The following KIAA1328 variants were observed in gnomAD, a reference collection of about 807,000 sequenced individuals.
The protein encoded by KIAA1328 is KIAA1328, also known as protein hinderin.
In KIAA1328, 52 loss-of-function variants were observed where a neutral mutation model predicts 68.1. The ratio of observed to expected loss-of-function variants is 0.76; its 90% CI spans 0.61 to 0.96. The LOEUF is 0.96. Ranked by LOEUF, KIAA1328 falls within the 40% of genes least tolerant of loss-of-function variation. The pLI is 0.00. For synonymous variants in KIAA1328, 232 were observed against 239.4 expected (o/e 0.97, Z 0.28); for missense variants, 641 against 677.6 (o/e 0.95, Z 0.60).
chr18:36,872,155 T>C (rs1175281133), intron 4 of KIAA1328, among the ~76,000 whole-genome samples: 1 of 151,978 alleles, frequency 6.6e-6, no homozygotes, highest in Non-Finnish European at 1.5e-5. Flanking sequence ...TGGGTGGTGC[T>C]GGGGCTGGGT....
chr18:37,016,043 G>T (rs1459090533), intron 6 of KIAA1328, among the ~76,000 whole-genome samples: 1 of 152,148 alleles, frequency 6.6e-6, no homozygotes, highest in Non-Finnish European at 1.5e-5. Flanking sequence ...TGTTGAGTAA[G>T]AGTGGTAAGA....
At chr18:37,105,441 T>C (rs2057742861) in intron 7 of KIAA1328, among the ~76,000 whole-genome samples, 1 of 142,992 alleles carries the variant, frequency 7.0e-6, no homozygotes, top group Non-Finnish European at 1.5e-5. Flanking sequence ...TAGTAAGCTA[T>C]GAATGCTGCA....
At chr18:37,116,498 A>G (rs1470604638) in intron 7 of KIAA1328, among the ~76,000 whole-genome samples, 47 of 152,350 alleles carry the variant, frequency 3.1e-4, no homozygotes, top group African/African-American at 1.1e-3. Context: ...TACACCTTAT[A>G]CAAAAATTAA....
intron 9 of KIAA1328, among the ~76,000 whole-genome samples, chr18:37,188,366 A>G (rs1167954328): frequency 1.3e-5 from 2 of 152,220 alleles, no homozygotes; most frequent in African/African-American, 4.8e-5. Flanking sequence ...TAGTGGGGGA[A>G]GAACCAGATT....
chr18:37,088,186 C>T (rs1158059631), intron 7 of KIAA1328, among the ~76,000 whole-genome samples: 1 of 152,162 alleles, frequency 6.6e-6, no homozygotes, highest in Non-Finnish European at 1.5e-5. Flanking sequence ...TCAACTGAGA[C>T]ACCTGCTTTC....
intron 7 of KIAA1328, among the ~76,000 whole-genome samples, chr18:37,073,454 C>T (rs368151861): frequency 5.9e-5 from 9 of 152,182 alleles, no homozygotes; most frequent in African/African-American, 1.4e-4. Context: ...AACCACAATG[C>T]GATACCATCT....
At chr18:36,889,853 A>G (rs2048623865) in intron 5 of KIAA1328, among the ~76,000 whole-genome samples, 1 of 152,160 alleles carries the variant, frequency 6.6e-6, no homozygotes, top group South Asian at 2.1e-4. Flanking sequence ...AGATTATGCA[A>G]GGGTTAGGCT....
chr18:37,112,668 G>A (rs76193568), intron 7 of KIAA1328, among the ~76,000 whole-genome samples: 1 of 152,326 alleles, frequency 6.6e-6, no homozygotes, highest in African/African-American at 2.4e-5. Flanking sequence ...TTGACGAGTT[G>A]AGAGAAGAAG....
intron 7 of KIAA1328, among the ~76,000 whole-genome samples, chr18:37,082,166 A>ATTTTTTTT (rs34106395): frequency 4.0e-5 from 4 of 100,422 alleles, no homozygotes; most frequent in Non-Finnish European, 5.6e-5. Flanking sequence ...TGCCCCAAGG[A>ATTTTTTTT]TTTTTTTTTT....
chr18:36,941,215 C>G lies in KIAA1328; in HGVS notation c.449-18093C>G, dbSNP rs568238642. The stretch of plus-strand genomic sequence containing the variant: ...TTTAACATATTTAAAAATATGTATA[C>G]CCACACATACATGTATAATTTTTTT... On this transcript the variant is annotated intron_variant, in intron 5 of 9. Coordinates refer to ENST00000280020, the MANE Select transcript of KIAA1328 (RefSeq NM_020776.3). Among the ~76,000 whole-genome samples, 4 of 152,164 alleles carry G rather than the reference C, an allele frequency of 2.6e-5. No individual in the cohort carries two copies. The South Asian group carries it at 8.3e-4, about 32-fold the overall frequency.
downstream of KIAA1328, chr18:37,230,032 C>T (rs972383855): frequency 6.5e-6 from 1 of 153,068 alleles, no homozygotes; most frequent in Non-Finnish European, 1.5e-5. Context: ...GAACATGTAA[C>T]TCTCTCTGCC....
At chr18:37,116,745 T>A (rs1282328164) in intron 7 of KIAA1328, among the ~76,000 whole-genome samples, 3 of 151,980 alleles carry the variant, frequency 2.0e-5, no homozygotes, top group Non-Finnish European at 4.4e-5. Flanking sequence ...TGGGAGAAAA[T>A]TTTTGCAATC....
chr18:37,200,597 G>A (rs1226468519), intron 9 of KIAA1328, among the ~76,000 whole-genome samples: 1 of 151,566 alleles, frequency 6.6e-6, no homozygotes, highest in Non-Finnish European at 1.5e-5. Flanking sequence ...GGATCATGAG[G>A]TCAGGAGATC....
downstream of KIAA1328, among the ~76,000 whole-genome samples, chr18:37,228,990 T>G (rs1408215370): frequency 2.0e-5 from 3 of 152,248 alleles, no homozygotes; most frequent in Non-Finnish European, 2.9e-5. Flanking sequence ...ACATAACTTT[T>G]ATATGCACTG....
rs759344621 is a variant in KIAA1328 at position 37,067,025 on chromosome 18, T to C, written c.712T>C (p.Ser238Pro). 4 of 1,613,918 alleles carry C rather than the reference T, an allele frequency of 2.5e-6. No individual in the cohort carries two copies. The Admixed American group carries it at 6.7e-5, about 27-fold the overall frequency. ...KSAVQDSASE[S>P]LIAFRNNSLK... ...TGCAGTCCAGGATTCAGCTTCAGAA[T>C]CCCTTATAGCATTTAGGAATAATTC... Residue 238 changes from serine (S) to proline (P), a missense_variant, in exon 7 of 10, where the codon TCC becomes CCC. Physicochemically the swap from Ser to Pro is moderately conservative, Grantham distance 74. Coordinates refer to ENST00000280020, the MANE Select transcript of KIAA1328 (RefSeq NM_020776.3).
chr18:37,110,273 A>T (rs962345846), intron 7 of KIAA1328, among the ~76,000 whole-genome samples: 2 of 152,218 alleles, frequency 1.3e-5, no homozygotes, highest in Admixed American at 6.5e-5. Context: ...TGTTTCACTT[A>T]TACTACTGAA....
chr18:37,067,563 T>A lies in KIAA1328; in HGVS notation c.1232+18T>A. The stretch of plus-strand genomic sequence containing the variant: ...TACAATTGGTGAGTACTGCCTGTTC[T>A]TTTTTTTTTTTTTTTGAGACGAAAT... On this transcript the variant is annotated intron_variant, in intron 7 of 9. Coordinates refer to ENST00000280020, the MANE Select transcript of KIAA1328 (RefSeq NM_020776.3). 1 of 120,262 alleles carries A rather than the reference T, an allele frequency of 8.3e-6. No individual in the cohort carries two copies. Among genetic ancestry groups the A allele is most frequent in the Non-Finnish European group, 1.2e-5 (1 of 86,026 alleles). The allele number at this position is 120,262 out of a possible 1,614,324, so 7.4% of individuals were successfully genotyped here.
chr18:36,946,224 A>G (rs936851310), intron 5 of KIAA1328: 4 of 152,324 alleles, frequency 2.6e-5, no homozygotes, highest in Non-Finnish European at 2.9e-5. Context: ...TACTTTCTAT[A>G]TGCTTCCTTC....
At chr18:37,105,916 CAAAAAAAAAAAAAAAAAAAAAAAA>C (rs58940699) in intron 7 of KIAA1328, among the ~76,000 whole-genome samples, 1 of 19,502 alleles carries the variant, frequency 5.1e-5, no homozygotes, top group African/African-American at 1.2e-4. Context: ...GACTCTGTGT[CAAAAAAAAAAAAAAAAAAAAAAAA>C]AAAAAGAATT....
Sources: gnomAD v4.1 joint callset for allele counts (sites outside exome capture counted in the v4.1 genomes callset) on GRCh38, gnomAD v4.1.1 for gene constraint, MANE v1.5 for transcripts, NCBI Gene and HGNC (gene_info 2026-07-23, HGNC 2026-07-21) for gene names.